Variants in WNK1 observed in about 807,000 individuals in gnomAD.
The protein encoded by WNK1 is WNK lysine deficient protein kinase 1.
A neutral mutation model predicts 222.8 loss-of-function variants in WNK1; 38 were observed. That is an observed-to-expected ratio of 0.17 (90% CI 0.13 to 0.22). The LOEUF (loss-of-function observed/expected upper bound fraction) is 0.22, where lower values mean the gene tolerates loss of function less well. WNK1 is among the 10% of genes least tolerant of loss of function. WNK1 has a pLI of 1.00. For missense variants in WNK1, 2,348 were observed against 2,918.4 expected, an observed-to-expected ratio of 0.80 and a Z score of 4.50; for synonymous variants, 1,090 against 1,092.9, an observed-to-expected ratio of 1.00 and a Z score of 0.05.
intron 8 of WNK1, among the ~76,000 whole-genome samples, chr12:871,055 G>A (rs1952100249): frequency 6.6e-6 from 1 of 152,200 alleles, no homozygotes; most frequent in South Asian, 2.1e-4. Context: ...TTTTGCATGG[G>A]TTGGGATCAG....
At chr12:891,390 G>A (rs1224741191) in intron 22 of WNK1, among the ~76,000 whole-genome samples, 2 of 152,078 alleles carry the variant, frequency 1.3e-5, no homozygotes, top group Non-Finnish European at 2.9e-5. Context: ...TGCCCGCCTC[G>A]GCCTCCCAGA....
chr12:897,438 G>A (rs755193024), intron 24 of WNK1, 41 bp from the exon 25 acceptor site: 1 of 1,236,992 alleles, frequency 8.1e-7, no homozygotes, highest in South Asian at 1.2e-5. Context: ...TGAATGAAGA[G>A]GATTATGGTA....
At position 878,343 on chromosome 12, in the gene WNK1, A is replaced by G; in HGVS notation, c.2355A>G (p.Gln785=). 6.2e-7 allele frequency: 1 copy of G among 1,613,416 alleles called. No homozygotes were observed. Among genetic ancestry groups the G allele is most frequent in the Non-Finnish European group, 8.5e-7 (1 of 1,179,924 alleles). The part of the protein sequence containing the change: ...SQPQAPQVLP[Q]VSAGKQLPVS... Reference sequence around the variant, plus strand: ...CTCAAGCTCCACAAGTCTTGCCTCAAGTATCAGCTGGAAAACAGGTAAACT... The same window carrying G: ...CTCAAGCTCCACAAGTCTTGCCTCAGGTATCAGCTGGAAAACAGGTAAACT... Residue 785 remains glutamine (Q), a synonymous_variant, in exon 10 of 28, where the codon CAA becomes CAG. Coordinates refer to ENST00000315939, the MANE Select transcript of WNK1 (RefSeq NM_018979.4).
At chr12:862,017 G>A in intron 7 of WNK1, 66 bp from the exon 8 acceptor site, 2 of 1,592,486 alleles carry the variant, frequency 1.3e-6, no homozygotes, top group Non-Finnish European at 1.7e-6. Context: ...ATGAGAAAAT[G>A]TGAACCTCCA....
chr12:786,469 CTTT>C (rs71051383), intron 1 of WNK1, among the ~76,000 whole-genome samples: 4 of 139,634 alleles, frequency 2.9e-5, no homozygotes, highest in African/African-American at 5.2e-5. Flanking sequence ...TCTATCTTCC[CTTT>C]TTTTTTTTTT....
intron 4 of WNK1, among the ~76,000 whole-genome samples, chr12:848,910 C>T (rs1248446077): frequency 6.6e-6 from 1 of 152,120 alleles, no homozygotes; most frequent in African/African-American, 2.4e-5. Context: ...TCAAGCCCCC[C>T]AAAGCCCCCT....
Position 910,816 on chromosome 12 carries a change from A to AG in WNK1, c.*2024_*2025insG, listed in dbSNP as rs1381473436. On this transcript the variant is annotated 3_prime_UTR_variant, in exon 28 of 28. Coordinates refer to ENST00000315939, the MANE Select transcript of WNK1 (RefSeq NM_018979.4). ...TTGGTCTACGGCCCTAAATATGCAA[A>AG]TGAGAGCTGAAGGTTTTTAAAAGGT... 6.6e-6 allele frequency: 1 copy of AG among 152,448 alleles called. No individual in the cohort carries two copies. Among genetic ancestry groups the AG allele is most frequent in the African/African-American group, 2.4e-5 (1 of 41,446 alleles). The allele number at this position is 152,448 out of a possible 1,614,324, so 9.4% of individuals were successfully genotyped here.
chr12:865,272 C>G (rs1951566949), intron 8 of WNK1: 1 of 1,536,092 alleles, frequency 6.5e-7, no homozygotes, highest in South Asian at 1.2e-5. Flanking sequence ...TGCCGAAAAG[C>G]TTTCTAAAGC....
intron 26 of WNK1, among the ~76,000 whole-genome samples, chr12:903,284 G>A (rs1288375673): frequency 6.6e-6 from 1 of 152,138 alleles, no homozygotes; most frequent in Non-Finnish European, 1.5e-5. Flanking sequence ...GCGGGTGGAA[G>A]GCATTACCCA....
intron 5 of WNK1, among the ~76,000 whole-genome samples, chr12:857,750 TG>T (rs1300698069): frequency 6.6e-6 from 1 of 152,190 alleles, no homozygotes; most frequent in Non-Finnish European, 1.5e-5. Context: ...GAAGGAGATG[TG>T]GCTTAGTCAT....
intron 4 of WNK1, among the ~76,000 whole-genome samples, chr12:845,074 T>C (rs1026300883): frequency 1.3e-5 from 2 of 151,074 alleles, no homozygotes; most frequent in Admixed American, 1.3e-4. Context: ...TTTTTGTATT[T>C]TTAGTAGAGA....
Position 827,281 on chromosome 12 carries a change from T to G in WNK1, c.1153+19T>G, listed in dbSNP as rs771480331. On this transcript the variant is annotated intron_variant, in intron 3 of 27. Coordinates refer to ENST00000315939, the MANE Select transcript of WNK1 (RefSeq NM_018979.4). The surrounding 1 kb of genome is among the most constrained non-coding windows in gnomAD (Gnocchi z 4.6). ...GTGATAGGTATGTTTCAGGTGTACCTTGGAGCCTGACTGGCTTTCTCACAT... is the reference window on the plus strand; with the variant it reads ...GTGATAGGTATGTTTCAGGTGTACCGTGGAGCCTGACTGGCTTTCTCACAT... 2 of 1,602,650 alleles carry G rather than the reference T, an allele frequency of 1.2e-6. No homozygotes were observed.
intron 1 of WNK1, among the ~76,000 whole-genome samples, chr12:763,279 C>T (rs1412146068): frequency 6.8e-6 from 1 of 147,246 alleles, no homozygotes; most frequent in Non-Finnish European, 1.5e-5. Flanking sequence ...GAATGGCACA[C>T]AATTTAAAAG....
intron 20 of WNK1, among the ~76,000 whole-genome samples, chr12:888,232 A>G (rs989267106): frequency 1.3e-5 from 2 of 152,240 alleles, no homozygotes; most frequent in African/African-American, 4.8e-5. Flanking sequence ...GTCCCAATGT[A>G]CAGGGGAACA....
chr12:906,335 C>T (rs916608005), intron 26 of WNK1: 26 of 985,116 alleles, frequency 2.6e-5, no homozygotes, highest in African/African-American at 3.5e-5. Flanking sequence ...CCAGCAGAGC[C>T]GAAATCAGGC....
chr12:803,749 TAATA>T (rs1946094593), intron 1 of WNK1, among the ~76,000 whole-genome samples: 1 of 151,862 alleles, frequency 6.6e-6, no homozygotes, highest in South Asian at 2.1e-4. Context: ...AAAATAAAAA[TAATA>T]AAAAAAGAAA....
At chr12:906,682 TGGGTCCA>T in intron 26 of WNK1, 1 of 985,320 alleles carries the variant, frequency 1.0e-6, no homozygotes, top group Non-Finnish European at 1.2e-6. Context: ...TTCATGTTTA[TGGGTCCA>T]GGTGAAAAAC....
chr12:867,922 A>G (rs373097248), intron 8 of WNK1: 6 of 1,613,796 alleles, frequency 3.7e-6, no homozygotes, highest in Admixed American at 1.7e-5. Context: ...AATCACAGAT[A>G]TTTTTCCCAA....
At chr12:830,338 G>A (rs1202249346) in intron 4 of WNK1, among the ~76,000 whole-genome samples, 178 bp downstream of exon 4, 1 of 152,120 alleles carries the variant, frequency 6.6e-6, no homozygotes, top group African/African-American at 2.4e-5. Flanking sequence ...TACAGTGAAA[G>A]ATAAAGATCA....
Sources: gnomAD v4.1 joint callset for allele counts (sites outside exome capture counted in the v4.1 genomes callset) on GRCh38, gnomAD v4.1.1 for gene constraint, Gnocchi (gnomAD v3.1) non-coding constraint, MANE v1.5 for transcripts, NCBI Gene and HGNC (gene_info 2026-07-23, HGNC 2026-07-21) for gene names.